FANCD2OS: variants seen among roughly 807,000 people sequenced by gnomAD.
FANCD2OS encodes FANCD2 opposite strand protein.
In FANCD2OS, 11 loss-of-function variants were observed where a neutral mutation model predicts 13.2. That is an observed-to-expected ratio of 0.83 (90% CI 0.52 to 1.38). The LOEUF (loss-of-function observed/expected upper bound fraction) is 1.38, where lower values mean the gene tolerates loss of function less well. FANCD2OS is among the 40% of genes most tolerant of loss of function. The probability of loss-of-function intolerance (pLI) is 0.00; values close to 1 mark genes in which losing one functional copy is unlikely to be tolerated. For synonymous variants in FANCD2OS, 69 were observed against 84.5 expected (o/e 0.82, Z 1.01); for missense variants, 217 against 213.9 (o/e 1.01, Z -0.09).
Position 10,084,421 on chromosome 3 carries a change from T to C in FANCD2OS, c.*44-2890A>G, listed in dbSNP as rs573608049. ...CCTCCCACCTCAGCCTCCCAAGCAG[T>C]TGGGACTGCAGGCATGTACCACCAT... On this transcript the variant is annotated intron_variant, in intron 2 of 2. Transcript: ENST00000524279. Among the ~76,000 whole-genome samples the C allele has an allele frequency of 1.1e-4, 16 of 151,732 alleles. No individual in the cohort carries two copies. In the South Asian group the frequency reaches 2.7e-3, roughly 26 times the overall value.
intron 2 of FANCD2OS, chr3:10,096,273 T>C: frequency 6.3e-7 from 1 of 1,587,100 alleles, no homozygotes; most frequent in South Asian, 1.1e-5. Flanking sequence ...ATAAGAAATG[T>C]GAAGGCATGA....
chr3:10,096,967 G>GA, intron 2 of FANCD2OS, among the ~76,000 whole-genome samples: 1 of 152,156 alleles, frequency 6.6e-6, no homozygotes, highest in Non-Finnish European at 1.5e-5. Context: ...TAAAGGGACA[G>GA]AGTACAAAAG....
downstream of FANCD2OS, among the ~76,000 whole-genome samples, chr3:10,100,421 T>G (rs1454988801): frequency 5.3e-5 from 8 of 152,314 alleles, no homozygotes; most frequent in Admixed American, 3.3e-4. Context: ...TCGCCCAGGC[T>G]AGCATGCAGT....
chr3:10,082,399 A>C (rs574867377), intron 2 of FANCD2OS, among the ~76,000 whole-genome samples: 4 of 152,242 alleles, frequency 2.6e-5, no homozygotes, highest in Admixed American at 1.3e-4. Context: ...TCCATTCTTC[A>C]CATGGCAGTA....
intron 2 of FANCD2OS, among the ~76,000 whole-genome samples, chr3:10,093,628 AAGG>A (rs1575860667): frequency 6.6e-6 from 1 of 151,882 alleles, no homozygotes; most frequent in African/African-American, 2.4e-5. Flanking sequence ...AAAAGGGAGG[AAGG>A]AGGAGTAGAT....
rs1695405200 is a variant in FANCD2OS at position 10,104,283 on chromosome 3, T to C, written c.492A>G (p.Ala164=). 1.9e-6 allele frequency: 3 copies of C among 1,613,304 alleles called. No homozygotes were observed. In the South Asian group the frequency reaches 3.3e-5, roughly 18 times the overall value. Residue 164 remains alanine (A), a synonymous_variant, in exon 2 of 2, where the codon GCA becomes GCG. Transcript: ENST00000450660. The stretch of plus-strand genomic sequence containing the variant: ...AGGCAAAGGTGCACTTTTTGTAAGT[T>C]GCATACAGCAAGAGGATAGAGCGCA... ...QMLRSILLLY[A]TYKKCTFALQ...
At chr3:10,092,199 C>T (rs1010539505) in intron 2 of FANCD2OS, 1 of 1,614,004 alleles carries the variant, frequency 6.2e-7, no homozygotes, top group Non-Finnish European at 8.5e-7. Context: ...AGAGAAACTC[C>T]TCTACTGGAA....
chr3:10,103,394 C>A (rs1303862466), downstream of FANCD2OS, among the ~76,000 whole-genome samples: 3 of 152,038 alleles, frequency 2.0e-5, no homozygotes, highest in Non-Finnish European at 4.4e-5. Context: ...AAGAGCAAAA[C>A]TCCATCTCAA....
chr3:10,083,336 ACTT>A (rs1693962579), intron 2 of FANCD2OS, among the ~76,000 whole-genome samples: 1 of 152,252 alleles, frequency 6.6e-6, no homozygotes, highest in Non-Finnish European at 1.5e-5. Flanking sequence ...GATGTTTATT[ACTT>A]CTTAAGGAAA....
chr3:10,089,220 G>A (rs1694430049), intron 2 of FANCD2OS, among the ~76,000 whole-genome samples: 1 of 151,968 alleles, frequency 6.6e-6, no homozygotes, highest in African/African-American at 2.4e-5. Flanking sequence ...GGGAGGCGGA[G>A]GTTGCAGTGA....
downstream of FANCD2OS, chr3:10,098,648 C>T (rs1695121091): frequency 1.9e-6 from 3 of 1,569,912 alleles, no homozygotes; most frequent in South Asian, 3.5e-5. Context: ...TGCCTGTAAA[C>T]TCAACCTTCT....
chr3:10,088,424 A>T (rs758739775), intron 2 of FANCD2OS: 2 of 1,431,424 alleles, frequency 1.4e-6, no homozygotes, highest in Non-Finnish European at 2.0e-6. Flanking sequence ...CATATGTAAG[A>T]TTCCTTTGTC....
chr3:10,105,079 CT>C (rs1317856025), intron 1 of FANCD2OS, among the ~76,000 whole-genome samples: 1 of 152,178 alleles, frequency 6.6e-6, no homozygotes, highest in Non-Finnish European at 1.5e-5. Context: ...TCTCCAACTC[CT>C]GACCTCAGGT....
intron 1 of FANCD2OS, among the ~76,000 whole-genome samples, chr3:10,105,330 G>A (rs961282082): frequency 6.6e-6 from 1 of 152,170 alleles, no homozygotes; most frequent in Non-Finnish European, 1.5e-5. Flanking sequence ...TCCACTGTTA[G>A]GACCTATGCT....
At chr3:10,085,492 A>G (rs572933824) in intron 2 of FANCD2OS, among the ~76,000 whole-genome samples, 1 of 147,696 alleles carries the variant, frequency 6.8e-6, no homozygotes, top group East Asian at 2.0e-4. Flanking sequence ...CCCGAGTTCT[A>G]GCGATTCTTC....
intron 2 of FANCD2OS, chr3:10,094,440 G>T: frequency 8.1e-7 from 1 of 1,240,922 alleles, no homozygotes; most frequent in East Asian, 2.3e-5. Context: ...ACTCCTGGGT[G>T]GGGCTGGGAG....
downstream of FANCD2OS, among the ~76,000 whole-genome samples, chr3:10,102,156 T>G (rs1695327599): frequency 6.6e-6 from 1 of 151,196 alleles, no homozygotes. Flanking sequence ...TTTTTTTTTT[T>G]TTTTTGAAAC....
chr3:10,106,596 T>C (rs1315224336), intron 1 of FANCD2OS, among the ~76,000 whole-genome samples: 5 of 152,054 alleles, frequency 3.3e-5, no homozygotes, highest in Non-Finnish European at 5.9e-5. Flanking sequence ...CCGCCGTTTG[T>C]GAGATAGAAA....
intron 1 of FANCD2OS, among the ~76,000 whole-genome samples, chr3:10,105,765 AAAAAAATTATATATATATATATAT>A (rs1341229524): frequency 3.2e-5 from 2 of 62,670 alleles, no homozygotes; most frequent in African/African-American, 2.1e-4. Context: ...AAAAAAAAAA[AAAAAAATTATATATATATATATAT>A]ATATATATAT....
Sources: allele counts gnomAD v4.1 joint callset (sites outside exome capture counted in the v4.1 genomes callset), GRCh38; gene constraint gnomAD v4.1.1; transcripts MANE v1.5; gene names NCBI Gene and HGNC (gene_info 2026-07-23, HGNC 2026-07-21).